UNC5C: variants seen among roughly 807,000 people sequenced by gnomAD.
UNC5C encodes unc-5 netrin receptor C.
UNC5C carries 47 observed loss-of-function variants against 99.8 expected under a neutral mutation model. The ratio of observed to expected loss-of-function variants is 0.47; its 90% confidence interval spans 0.37 to 0.60. UNC5C has a LOEUF of 0.60. Ranked by LOEUF, UNC5C falls within the 20% of genes least tolerant of loss-of-function variation. The pLI, the probability that UNC5C is intolerant of heterozygous loss-of-function variation, is 0.00. For missense variants in UNC5C, 1,062 were observed against 1,165.9 expected (o/e 0.91, Z 1.30); for synonymous variants, 487 against 452.2 (o/e 1.08, Z -0.98).
At chr4:95,441,613 A>G (rs556414293) in intron 1 of UNC5C, among the ~76,000 whole-genome samples, 1 of 152,304 alleles carries the variant, frequency 6.6e-6, no homozygotes, top group East Asian at 1.9e-4. Context: ...AAAACTAGGT[A>G]TAATTACACT....
At chr4:95,454,418 G>C (rs1303402053) in intron 1 of UNC5C, among the ~76,000 whole-genome samples, 1 of 152,100 alleles carries the variant, frequency 6.6e-6, no homozygotes, top group African/African-American at 2.4e-5. Flanking sequence ...ATGTCTTTGA[G>C]ATAGTTTTTA....
chr4:95,344,327 T>A (rs1226092886), intron 1 of UNC5C, among the ~76,000 whole-genome samples: 1 of 152,074 alleles, frequency 6.6e-6, no homozygotes, highest in Non-Finnish European at 1.5e-5. Context: ...CTTCTTTTCC[T>A]AGAATAGTAT....
At chr4:95,513,794 C>T (rs546426511) in intron 1 of UNC5C, among the ~76,000 whole-genome samples, 165 of 152,124 alleles carry the variant, frequency 1.1e-3, no homozygotes, top group African/African-American at 3.5e-3. Flanking sequence ...TTTTCTTGGA[C>T]GCTCATGTAT....
chr4:95,182,274 G>C (rs1035764190), intron 14 of UNC5C, among the ~76,000 whole-genome samples: 1 of 152,150 alleles, frequency 6.6e-6, no homozygotes, highest in South Asian at 2.1e-4. Context: ...ATGGCCACAG[G>C]GGGGAAATAC....
At chr4:95,469,837 C>G (rs563981144) in intron 1 of UNC5C, among the ~76,000 whole-genome samples, 2 of 152,090 alleles carry the variant, frequency 1.3e-5, no homozygotes, top group Admixed American at 1.3e-4. Context: ...TCACTTTTAC[C>G]GTGGTACACA....
intron 1 of UNC5C, among the ~76,000 whole-genome samples, chr4:95,521,899 G>A (rs1467234957): frequency 1.3e-5 from 2 of 151,918 alleles, no homozygotes; most frequent in Admixed American, 1.3e-4. Context: ...ATTCAATTTG[G>A]TCTTGGCTTG....
intron 7 of UNC5C, among the ~76,000 whole-genome samples, chr4:95,231,942 A>G (rs1336027250): frequency 6.6e-6 from 1 of 152,200 alleles, no homozygotes; most frequent in African/African-American, 2.4e-5. Context: ...CTAAATTGCC[A>G]TGGTAATTTA....
chr4:95,444,625 C>T (rs925798930), intron 1 of UNC5C, among the ~76,000 whole-genome samples: 1 of 152,182 alleles, frequency 6.6e-6, no homozygotes, highest in African/African-American at 2.4e-5. Context: ...GGCACCGCGC[C>T]GGGCCTGCAT....
intron 4 of UNC5C, among the ~76,000 whole-genome samples, chr4:95,253,731 C>T (rs956507564): frequency 1.3e-5 from 2 of 152,080 alleles, no homozygotes; most frequent in African/African-American, 4.8e-5. Flanking sequence ...CCCCACAGTC[C>T]CCAACACCCC....
chr4:95,225,092 T>G (rs1459007414), intron 7 of UNC5C, among the ~76,000 whole-genome samples: 1 of 152,116 alleles, frequency 6.6e-6, no homozygotes, highest in Admixed American at 6.5e-5. Flanking sequence ...AGTCTTGCTC[T>G]GTCACCCAGG....
At chr4:95,263,653 T>C (rs373624134) in intron 4 of UNC5C, among the ~76,000 whole-genome samples, 88 of 152,336 alleles carry the variant, frequency 5.8e-4, no homozygotes, top group African/African-American at 2.1e-3. Context: ...GACCCAGCTG[T>C]GCCATTCACT....
intron 7 of UNC5C, among the ~76,000 whole-genome samples, chr4:95,231,473 A>G (rs572655215): frequency 6.6e-6 from 1 of 152,302 alleles, no homozygotes; most frequent in African/African-American, 2.4e-5. Flanking sequence ...AGTAATATTT[A>G]TCTACTCTAA....
At chr4:95,224,120 C>T (rs955047715) in intron 7 of UNC5C, among the ~76,000 whole-genome samples, 1 of 151,866 alleles carries the variant, frequency 6.6e-6, no homozygotes, top group African/African-American at 2.4e-5. Flanking sequence ...CATCTCTACC[C>T]AAAATACAAA....
At chr4:95,187,420 A>G (rs1345425072) in intron 12 of UNC5C, among the ~76,000 whole-genome samples, 1 of 152,182 alleles carries the variant, frequency 6.6e-6, no homozygotes, top group African/African-American at 2.4e-5. Flanking sequence ...CCAGGAGGTA[A>G]TTGTACCCAA....
intron 1 of UNC5C, among the ~76,000 whole-genome samples, chr4:95,416,940 C>T (rs1003272887): frequency 2.0e-5 from 3 of 152,094 alleles, no homozygotes; most frequent in African/African-American, 7.2e-5. Flanking sequence ...CACTTCTGGT[C>T]CAGAAATTTA....
At chr4:95,522,105 T>C (rs1221928722) in intron 1 of UNC5C, among the ~76,000 whole-genome samples, 1 of 152,092 alleles carries the variant, frequency 6.6e-6, no homozygotes, top group Admixed American at 6.5e-5. Context: ...TACAAATAAG[T>C]CCCTGGCTGA....
In UNC5C at chr4:95,169,323, C is replaced by T. The variant is rs777195597; in HGVS notation, c.2707G>A (p.Asp903Asn). 96 of 1,614,114 alleles carry T rather than the reference C, an allele frequency of 5.9e-5. No homozygotes were observed. Among genetic ancestry groups the T allele is most frequent in the Non-Finnish European group, 7.5e-5 (88 of 1,180,054 alleles). Reference sequence around the variant, plus strand: ...GCTGCCAGCATGCTCAGGTTTCCATCTGGGAAGTTCTGTGCTTCCCAAAGA... The same window carrying T: ...GCTGCCAGCATGCTCAGGTTTCCATTTGGGAAGTTCTGTGCTTCCCAAAGA... Reference protein sequence around the residue: ...LDLWEAQNFPDGNLSMLAAVL... With the variant: ...LDLWEAQNFPNGNLSMLAAVL... Residue 903 changes from aspartate (D) to asparagine (N), a missense_variant, in exon 16 of 16, where the codon GAT becomes AAT. Physicochemically the swap from Asp to Asn is conservative, Grantham distance 23. Coordinates refer to ENST00000453304, the MANE Select transcript of UNC5C (RefSeq NM_003728.4).
intron 1 of UNC5C, among the ~76,000 whole-genome samples, chr4:95,464,309 G>T (rs1476198332): frequency 2.6e-5 from 4 of 152,170 alleles, no homozygotes; most frequent in African/African-American, 7.2e-5. Flanking sequence ...TTGGCAGGCT[G>T]CATAATAATG....
At chr4:95,347,313 A>G (rs1350640490) in intron 1 of UNC5C, among the ~76,000 whole-genome samples, 1 of 152,092 alleles carries the variant, frequency 6.6e-6, no homozygotes, top group Non-Finnish European at 1.5e-5. Context: ...AAGAACCAAC[A>G]TTGTTAAAAT....
Sources: gnomAD v4.1 joint callset for allele counts (sites outside exome capture counted in the v4.1 genomes callset) on GRCh38, gnomAD v4.1.1 for gene constraint, MANE v1.5 for transcripts, NCBI Gene and HGNC (gene_info 2026-07-23, HGNC 2026-07-21) for gene names.